MAP3K2: variants seen among roughly 807,000 people sequenced by gnomAD.
MAP3K2 encodes the protein mitogen-activated protein kinase kinase kinase 2.
Under a neutral mutation model 80.3 loss-of-function variants are expected in MAP3K2, and 24 were observed. The observed-to-expected ratio is 0.30, with a 90% CI of 0.22 to 0.42. MAP3K2 has a LOEUF of 0.42. MAP3K2 is among the 10% of genes least tolerant of loss of function. The pLI is 1.00. For synonymous variants in MAP3K2, 244 were observed against 253.7 expected (o/e 0.96, Z 0.36); for missense variants, 608 against 750.1 (o/e 0.81, Z 2.21).
At chr2:127,336,092 T>G in intron 4 of MAP3K2, 123 bp from the exon 5 acceptor site, 1 of 596,790 alleles carries the variant, frequency 1.7e-6, no homozygotes, top group South Asian at 2.2e-5. Context: ...TTCACTTTAC[T>G]TAACACTACA....
Position 127,317,646 on chromosome 2 carries a change from T to C in MAP3K2, c.1309A>G (p.Met437Val), listed in dbSNP as rs1046468052. 4 of 1,576,594 alleles carry C rather than the reference T, an allele frequency of 2.5e-6. No individual in the cohort carries two copies. The highest frequency in any genetic ancestry group is 2.7e-5 in the African/African-American group (2 of 74,200). ...DPQEKTLSIF[M>V]EYMPGGSIKD... ...TAACTTACCCCTGGCATATATTCCA[T>C]AAATATGGAAAGTGTTTTTTCCTGG... The change falls in exon 14 of 17, where the codon ATG becomes GTG. Residue 437 changes from methionine (M) to valine (V), a missense_variant. By Grantham distance (21) the Met-to-Val change is conservative. Coordinates refer to ENST00000682094, the MANE Select transcript of MAP3K2 (RefSeq NM_001371910.2).
chr2:127,384,663 G>T (rs1221563746), intron 1 of MAP3K2, among the ~76,000 whole-genome samples: 1 of 151,734 alleles, frequency 6.6e-6, no homozygotes, highest in East Asian at 1.9e-4. Flanking sequence ...AGGAAACAAA[G>T]TGGCCTTTTT....
rs1359968404 is a variant in MAP3K2, at chr2:127,310,340, A to G, written c.1457-1578T>C. Among the ~76,000 whole-genome samples, 1 of 152,108 alleles carries G rather than the reference A, an allele frequency of 6.6e-6. No homozygotes were observed. The highest frequency in any genetic ancestry group is 1.9e-4 in the East Asian group (1 of 5,188). On this transcript the variant is annotated intron_variant, in intron 15 of 16. Coordinates refer to ENST00000682094, the MANE Select transcript of MAP3K2 (RefSeq NM_001371910.2). This position sits in a 1 kb window ranked among gnomAD's most constrained non-coding sequence, Gnocchi z 4.8. The stretch of plus-strand genomic sequence containing the variant: ...AAGGAGGCCTGGTTCCTTTTAGTGG[A>G]GAATGGTATTAAAAAAACAAGATAT...
At chr2:127,312,093 G>A (rs1226800384) in intron 15 of MAP3K2, among the ~76,000 whole-genome samples, 1 of 152,226 alleles carries the variant, frequency 6.6e-6, no homozygotes, top group Non-Finnish European at 1.5e-5. Flanking sequence ...AAACTAGATA[G>A]ATGATGCTGT....
intron 12 of MAP3K2, among the ~76,000 whole-genome samples, chr2:127,320,433 GAGGGAGAC>G (rs1407037654): frequency 2.0e-5 from 3 of 152,092 alleles, no homozygotes; most frequent in African/African-American, 7.2e-5. Context: ...GTGGGGGAGA[GAGGGAGAC>G]AGGGAGAAAG....
At chr2:127,373,417 T>C (rs958156335) in intron 1 of MAP3K2, among the ~76,000 whole-genome samples, 1 of 152,200 alleles carries the variant, frequency 6.6e-6, no homozygotes, top group African/African-American at 2.4e-5. Context: ...ACTAGCAACT[T>C]ACACACCTTA....
rs1240761407 is a variant in MAP3K2, at chr2:127,305,428, C to G, written c.*2151G>C. ...TTCAATTTTAAGAATATGAGAGAAG[C>G]GTTGACAATTAATTTTGTGCTTTGA... is the stretch of plus-strand genomic sequence containing the variant. On this transcript the variant is annotated 3_prime_UTR_variant, in exon 17 of 17. Transcript: ENST00000682094. 2 of 152,140 alleles carry G rather than the reference C, an allele frequency of 1.3e-5. No individual in the cohort carries two copies. Among genetic ancestry groups the G allele is most frequent in the African/African-American group, 2.4e-5 (1 of 41,452 alleles). The allele number at this position is 152,140 out of a possible 1,614,324, so 9.4% of individuals were successfully genotyped here.
chr2:127,354,606 GAGCA>G (rs1240341482), intron 1 of MAP3K2, among the ~76,000 whole-genome samples: 1 of 152,052 alleles, frequency 6.6e-6, no homozygotes, highest in Non-Finnish European at 1.5e-5. Context: ...TGAAACTTAA[GAGCA>G]AGACGCAAAG....
At chr2:127,349,298 CTACAGGTACGCA>C (rs1686651789) in intron 1 of MAP3K2, among the ~76,000 whole-genome samples, 1 of 151,972 alleles carries the variant, frequency 6.6e-6, no homozygotes, top group South Asian at 2.1e-4. Flanking sequence ...GTAGCTGGGA[CTACAGGTACGCA>C]TCATGCCTGG....
intron 1 of MAP3K2, among the ~76,000 whole-genome samples, chr2:127,373,384 G>A (rs953412799): frequency 3.3e-5 from 5 of 152,130 alleles, no homozygotes; most frequent in Admixed American, 1.3e-4. Context: ...TTCTTGCTAA[G>A]ACCTCAAAAG....
At chr2:127,365,066 G>A (rs1192119201) in intron 1 of MAP3K2, among the ~76,000 whole-genome samples, 1 of 97,746 alleles carries the variant, frequency 1.0e-5, no homozygotes, top group East Asian at 3.7e-4. Context: ...GCAATGAGCC[G>A]AGATCGTGCC....
Position 127,329,976 on chromosome 2 carries a change from T to A in MAP3K2, c.411A>T (p.Glu137Asp), listed in dbSNP as rs1686219957. Residue 137 changes from glutamate (E) to aspartate (D), a missense_variant, in exon 7 of 17, where the codon GAA becomes GAT. Physicochemically the swap from Glu to Asp is conservative, Grantham distance 45. Coordinates refer to ENST00000682094, the MANE Select transcript of MAP3K2 (RefSeq NM_001371910.2). ...ATNLEPLPSL[E>D]DLDNTVFGAE... is the part of the protein sequence containing the mutation. ...CTCCAAATACTGTATTATCCAAATC[T>A]TCTAGTGATGGCAATGGTTCTAAAT... is the stretch of plus-strand genomic sequence containing the variant. 1 of 1,609,866 alleles carries A rather than the reference T, an allele frequency of 6.2e-7. No homozygotes were observed. Among genetic ancestry groups the A allele is most frequent in the Non-Finnish European group, 8.5e-7 (1 of 1,176,800 alleles).
At chr2:127,344,842 T>C (rs4662721) in intron 1 of MAP3K2, among the ~76,000 whole-genome samples, 120,107 of 152,068 alleles carry the variant, frequency 0.79, 47,572 homozygotes, top group Middle Eastern at 0.84. Flanking sequence ...CATTTTGACC[T>C]GAATATGTTG....
chr2:127,382,749 C>T (rs1049315026), intron 1 of MAP3K2, among the ~76,000 whole-genome samples: 1 of 152,246 alleles, frequency 6.6e-6, no homozygotes, highest in African/African-American at 2.4e-5. Flanking sequence ...TGGTCTTAAA[C>T]TCCTGACCTC....
At chr2:127,353,381 C>T (rs1038858883) in intron 1 of MAP3K2, among the ~76,000 whole-genome samples, 7 of 151,232 alleles carry the variant, frequency 4.6e-5, no homozygotes, top group Admixed American at 2.6e-4. Flanking sequence ...AGCATCTCCG[C>T]CCGGCCGCCC....
At position 127,305,762 on chromosome 2, in the gene MAP3K2, G is replaced by A. The variant is rs1216250799; in HGVS notation, c.*1817C>T. On this transcript the variant is annotated 3_prime_UTR_variant, in exon 17 of 17. Transcript: ENST00000682094. The stretch of plus-strand genomic sequence containing the variant: ...AAAAACTGCAAGTGGCCAAATTGCT[G>A]ATATCTTCATGTTTTATAGTAGCAC... 1.3e-5 allele frequency: 2 copies of A among 152,076 alleles called. No individual in the cohort carries two copies. The highest frequency in any genetic ancestry group is 4.1e-4 in the South Asian group (2 of 4,834). 9.4% of individuals were successfully genotyped at this position (152,076 alleles called of 1,614,324 possible).
chr2:127,376,198 C>T (rs890397433), intron 1 of MAP3K2, among the ~76,000 whole-genome samples: 1 of 151,928 alleles, frequency 6.6e-6, no homozygotes, highest in East Asian at 1.9e-4. Flanking sequence ...TTCTCTTATC[C>T]GGTGCCTGAC....
intron 1 of MAP3K2, among the ~76,000 whole-genome samples, chr2:127,347,651 T>C (rs1686622005): frequency 6.6e-6 from 1 of 152,128 alleles, no homozygotes; most frequent in Non-Finnish European, 1.5e-5. Context: ...ATTTTTAAGA[T>C]AGCAATACTC....
At chr2:127,337,178 G>A (rs924594760) in intron 4 of MAP3K2, among the ~76,000 whole-genome samples, 4 of 151,884 alleles carry the variant, frequency 2.6e-5, no homozygotes, top group African/African-American at 9.7e-5. Context: ...ATTCCTATTA[G>A]GTCTTGTTAG....
Sources: allele counts gnomAD v4.1 joint callset (sites outside exome capture counted in the v4.1 genomes callset), GRCh38; gene constraint gnomAD v4.1.1; non-coding constraint Gnocchi (gnomAD v3.1); transcripts MANE v1.5; gene names NCBI Gene and HGNC (gene_info 2026-07-23, HGNC 2026-07-21).